RBFOX1: variants seen among roughly 807,000 people sequenced by gnomAD.
RBFOX1 encodes the protein RNA binding protein fox-1 homolog 1.
RBFOX1 carries 8 observed loss-of-function variants against 57.7 expected under a neutral mutation model. The ratio of observed to expected loss-of-function variants is 0.14; its 90% CI spans 0.08 to 0.25. RBFOX1 has a LOEUF of 0.25. Among genes scored for constraint, RBFOX1 ranks in the 10% least tolerant of loss-of-function variants. The pLI is 1.00. For synonymous variants in RBFOX1, 326 were observed against 222.4 expected (o/e 1.47, Z -4.15); for missense variants, 611 against 548.5 (o/e 1.11, Z -1.14).
chr16:5,392,986 G>A (rs1175743555), intron 1 of RBFOX1, among the ~76,000 whole-genome samples: 1 of 152,112 alleles, frequency 6.6e-6, no homozygotes, highest in Non-Finnish European at 1.5e-5. Context: ...GGTGTTGAGT[G>A]GGATGTGGTA....
intron 3 of RBFOX1, among the ~76,000 whole-genome samples, chr16:5,836,818 A>G (rs1001491365): frequency 3.9e-5 from 6 of 152,076 alleles, no homozygotes; most frequent in South Asian, 2.1e-4. Flanking sequence ...TGAAGGGGAG[A>G]AGCACCCAGA....
At chr16:6,210,910 C>G (rs2097292461) in intron 1 of RBFOX1, among the ~76,000 whole-genome samples, 2 of 152,058 alleles carry the variant, frequency 1.3e-5, no homozygotes, top group African/African-American at 2.4e-5. Context: ...CTTAGGAAAA[C>G]ACAAGGTCTT....
chr16:6,874,509 TAAAAAAAA>T (rs57494867), intron 3 of RBFOX1, among the ~76,000 whole-genome samples: 21 of 71,082 alleles, frequency 3.0e-4, no homozygotes, highest in African/African-American at 1.1e-3. Context: ...AGACTCCATC[TAAAAAAAA>T]AAAAAAAAAA....
intron 3 of RBFOX1, among the ~76,000 whole-genome samples, chr16:6,920,520 A>C (rs1190209189): frequency 6.6e-6 from 1 of 152,226 alleles, no homozygotes. Context: ...GCCAAGGGCT[A>C]CCATAACAAA....
intron 1 of RBFOX1, among the ~76,000 whole-genome samples, chr16:5,300,385 A>C (rs1484627056): frequency 6.6e-6 from 1 of 152,122 alleles, no homozygotes; most frequent in East Asian, 1.9e-4. Flanking sequence ...CGGGTGAGGG[A>C]TAAAGACTAC....
At chr16:5,982,617 C>T (rs1050283513) in intron 4 of RBFOX1, among the ~76,000 whole-genome samples, 1 of 152,168 alleles carries the variant, frequency 6.6e-6, no homozygotes, top group Non-Finnish European at 1.5e-5. Context: ...CTAGAATGCT[C>T]ATCCATATGG....
chr16:5,851,876 T>C (rs1220954494), intron 3 of RBFOX1, among the ~76,000 whole-genome samples: 1 of 152,152 alleles, frequency 6.6e-6, no homozygotes, highest in Non-Finnish European at 1.5e-5. Context: ...CTTGGCCAGG[T>C]GTAGAGAGTT....
intron 3 of RBFOX1, among the ~76,000 whole-genome samples, chr16:6,895,857 A>G (rs1342981330): frequency 6.6e-6 from 1 of 152,106 alleles, no homozygotes; most frequent in African/African-American, 2.4e-5. Context: ...CATGTGTAAA[A>G]TGAAGATCAT....
chr16:7,278,969 TA>T (rs1328645007), intron 4 of RBFOX1, among the ~76,000 whole-genome samples: 1 of 152,110 alleles, frequency 6.6e-6, no homozygotes, highest in South Asian at 2.1e-4. Flanking sequence ...TTTTCCTTCT[TA>T]AAAAATATTT....
At chr16:5,747,504 T>C (rs983269316) in intron 3 of RBFOX1, among the ~76,000 whole-genome samples, 4 of 152,138 alleles carry the variant, frequency 2.6e-5, no homozygotes, top group African/African-American at 9.7e-5. Context: ...GCTGTGAATC[T>C]GTCTGATGCT....
chr16:7,407,876 T>G (rs1000583060), intron 4 of RBFOX1, among the ~76,000 whole-genome samples: 1 of 152,180 alleles, frequency 6.6e-6, no homozygotes, highest in Non-Finnish European at 1.5e-5. Flanking sequence ...ACTATTTTCC[T>G]AGACAGAACA....
At chr16:6,583,447 A>G (rs897721710) in intron 2 of RBFOX1, among the ~76,000 whole-genome samples, 6 of 152,254 alleles carry the variant, frequency 3.9e-5, no homozygotes, top group African/African-American at 1.4e-4. Flanking sequence ...TTGGGGGAGC[A>G]TCTCACACTA....
At chr16:7,501,649 C>G (rs1222048189) in intron 4 of RBFOX1, among the ~76,000 whole-genome samples, 1 of 152,240 alleles carries the variant, frequency 6.6e-6, no homozygotes, top group Non-Finnish European at 1.5e-5. Context: ...ATCAGATATT[C>G]TGTCCTAACA....
In RBFOX1 at chr16:6,159,172, G is replaced by C. The variant is rs547401964; in HGVS notation, c.-127+139180G>C. 4.6e-5 allele frequency among the ~76,000 whole-genome samples: 7 copies of C among 152,278 alleles called. No individual in the cohort carries two copies. The South Asian group carries it at 1.5e-3, about 32-fold the overall frequency. On this transcript the variant is annotated intron_variant, in intron 1 of 15. Coordinates refer to ENST00000550418, the MANE Select transcript of RBFOX1 (RefSeq NM_018723.4). ...GCTCACTGCAACCTCTGCCTCCCAG[G>C]TTCAAGCGACTCTCCTGCCTCGGCC...
At chr16:7,598,735 T>C (rs565116302) in intron 9 of RBFOX1, among the ~76,000 whole-genome samples, 33 of 152,222 alleles carry the variant, frequency 2.2e-4, no homozygotes, top group Non-Finnish European at 1.2e-4. Flanking sequence ...GCATTTTTAA[T>C]TGGGTTTTTT....
intron 4 of RBFOX1, among the ~76,000 whole-genome samples, chr16:7,284,528 G>C (rs1182283043): frequency 6.6e-6 from 1 of 151,826 alleles, no homozygotes; most frequent in Non-Finnish European, 1.5e-5. Flanking sequence ...ATGAGGTCCT[G>C]CTATATTGTC....
intron 4 of RBFOX1, among the ~76,000 whole-genome samples, chr16:5,929,032 T>C: frequency 9.5e-6 from 1 of 105,820 alleles, no homozygotes; most frequent in Non-Finnish European, 2.2e-5. Flanking sequence ...TCTTTCCAAT[T>C]TAAAAAAAAA....
At chr16:6,079,775 C>T (rs148586204) in intron 1 of RBFOX1, among the ~76,000 whole-genome samples, 2 of 151,896 alleles carry the variant, frequency 1.3e-5, no homozygotes, top group Admixed American at 6.6e-5. Context: ...GTTGCAGGCT[C>T]GTTGGAGCTG....
chr16:6,494,814 C>T (rs781774097), intron 2 of RBFOX1, among the ~76,000 whole-genome samples: 3 of 152,120 alleles, frequency 2.0e-5, no homozygotes, highest in Non-Finnish European at 4.4e-5. Context: ...AAAATTGTAC[C>T]CACGTCTTAA....
Sources: gnomAD v4.1 joint callset for allele counts (sites outside exome capture counted in the v4.1 genomes callset) on GRCh38, gnomAD v4.1.1 for gene constraint, MANE v1.5 for transcripts, NCBI Gene and HGNC (gene_info 2026-07-23, HGNC 2026-07-21) for gene names.